Variants in CNTN1 observed in about 807,000 individuals in gnomAD.
CNTN1 encodes contactin-1.
A neutral mutation model predicts 126.4 loss-of-function variants in CNTN1; 38 were observed. That is an observed-to-expected ratio of 0.30 (90% CI 0.23 to 0.39). CNTN1 has a LOEUF of 0.39. Among genes scored for constraint, CNTN1 ranks in the 10% least tolerant of loss-of-function variants. CNTN1 has a pLI of 1.00. For synonymous variants in CNTN1, 413 were observed against 422.6 expected (o/e 0.98, Z 0.28); for missense variants, 1,009 against 1,248.4 (o/e 0.81, Z 2.89).
intron 1 of CNTN1, among the ~76,000 whole-genome samples, chr12:40,732,521 C>T (rs1258276604): frequency 1.3e-5 from 2 of 151,984 alleles, no homozygotes; most frequent in Non-Finnish European, 2.9e-5. Context: ...GACAGTCTGC[C>T]AGGAAACCTT....
intron 6 of CNTN1, among the ~76,000 whole-genome samples, chr12:40,925,800 T>TATA (rs1945650071): frequency 8.6e-6 from 1 of 116,600 alleles, no homozygotes; most frequent in African/African-American, 3.5e-5. Context: ...ACTATTGAAA[T>TATA]TATATATATA....
chr12:40,929,948 T>A lies in CNTN1; in HGVS notation c.649T>A (p.Ser217Thr). 4.3e-6 allele frequency: 7 copies of A among 1,612,906 alleles called. No homozygotes were observed. Among genetic ancestry groups the A allele is most frequent in the African/African-American group, 1.3e-5 (1 of 74,948 alleles). The change falls in exon 7 of 24, where the codon TCT (serine) becomes ACT (threonine). Residue 217 changes from serine (S) to threonine (T), a missense_variant. Coordinates refer to ENST00000551295, the MANE Select transcript of CNTN1 (RefSeq NM_001843.4). ...GNYSCFVSSP[S>T]ITKSVFSKFI... ...TTATTCCTGCTTTGTTTCCAGTCCTTCTATTACAAAGAGCGTGTTCAGCAA... is the reference window on the plus strand; with the variant it reads ...TTATTCCTGCTTTGTTTCCAGTCCTACTATTACAAAGAGCGTGTTCAGCAA...
chr12:40,929,589 A>G (rs187481582), intron 6 of CNTN1, among the ~76,000 whole-genome samples: 1 of 152,170 alleles, frequency 6.6e-6, no homozygotes, highest in East Asian at 1.9e-4. Flanking sequence ...ATAGATAAAT[A>G]GATGTAATTG....
chr12:40,939,201 T>C, intron 11 of CNTN1, 134 bp from the exon 12 acceptor site: 1 of 923,204 alleles, frequency 1.1e-6, no homozygotes, highest in Non-Finnish European at 1.7e-6. Flanking sequence ...TGCCTATTGG[T>C]GACAGCTGAT....
At chr12:41,066,335 T>G (rs763890289) in intron 23 of CNTN1, among the ~76,000 whole-genome samples, 1 of 152,126 alleles carries the variant, frequency 6.6e-6, no homozygotes, top group Non-Finnish European at 1.5e-5. Flanking sequence ...AAAAGAAATA[T>G]CAGGGGTCAC....
chr12:41,018,078 G>T (rs952832776), intron 19 of CNTN1, among the ~76,000 whole-genome samples: 1 of 149,342 alleles, frequency 6.7e-6, no homozygotes, highest in African/African-American at 2.5e-5. Flanking sequence ...CAACAAAAGC[G>T]AAAGTCCATC....
chr12:40,832,737 C>A (rs1941893907), intron 1 of CNTN1, among the ~76,000 whole-genome samples: 1 of 152,150 alleles, frequency 6.6e-6, no homozygotes, highest in Admixed American at 6.5e-5. Flanking sequence ...AGTTAGTATA[C>A]AACTTGCCCC....
intron 1 of CNTN1, among the ~76,000 whole-genome samples, chr12:40,711,775 A>C (rs1195729050): frequency 1.3e-5 from 2 of 151,866 alleles, no homozygotes; most frequent in Admixed American, 6.6e-5. Context: ...GCAGTGGTAT[A>C]ATTAATAGCT....
At chr12:40,946,979 G>A (rs1946455791) in intron 14 of CNTN1, among the ~76,000 whole-genome samples, 1 of 151,806 alleles carries the variant, frequency 6.6e-6, no homozygotes, top group African/African-American at 2.4e-5. Flanking sequence ...TTAAAGTTAT[G>A]TAATTATTAG....
intron 1 of CNTN1, among the ~76,000 whole-genome samples, chr12:40,879,043 C>T (rs963655489): frequency 1.3e-5 from 2 of 152,068 alleles, no homozygotes; most frequent in East Asian, 3.8e-4. Context: ...TGAAGGGCAG[C>T]GAGGTCACAT....
At chr12:40,827,665 G>A (rs1441097460) in intron 1 of CNTN1, among the ~76,000 whole-genome samples, 1 of 152,202 alleles carries the variant, frequency 6.6e-6, no homozygotes, top group Middle Eastern at 3.2e-3. Context: ...ACATTCTGCA[G>A]TATGCAAATG....
At chr12:41,016,655 C>A in intron 18 of CNTN1, 27 bp from the exon 19 acceptor site, 1 of 1,461,826 alleles carries the variant, frequency 6.8e-7, no homozygotes, top group Non-Finnish European at 9.6e-7. Context: ...TTACTAAAAC[C>A]TACTCAATCT....
At chr12:40,959,518 C>T (rs1489092790) in intron 15 of CNTN1, among the ~76,000 whole-genome samples, 1 of 152,034 alleles carries the variant, frequency 6.6e-6, no homozygotes, top group East Asian at 1.9e-4. Flanking sequence ...CAAAAGTTCT[C>T]GTTTCCTGCT....
At chr12:40,824,914 C>T (rs975624329) in intron 1 of CNTN1, among the ~76,000 whole-genome samples, 2 of 152,110 alleles carry the variant, frequency 1.3e-5, no homozygotes, top group African/African-American at 4.8e-5. Context: ...AGTTATTTTA[C>T]ATATAGACAC....
chr12:40,734,411 G>A (rs1018189171), intron 1 of CNTN1, among the ~76,000 whole-genome samples: 1 of 151,962 alleles, frequency 6.6e-6, no homozygotes, highest in Non-Finnish European at 1.5e-5. Context: ...ATATCCTAGG[G>A]TTTACCACAT....
intron 1 of CNTN1, among the ~76,000 whole-genome samples, chr12:40,782,063 A>G (rs764123832): frequency 8.6e-5 from 13 of 151,946 alleles, no homozygotes; most frequent in Non-Finnish European, 1.5e-4. Context: ...TTAATTTTTG[A>G]AGTTTAATTT....
At chr12:41,013,609 A>T (rs1227993647) in intron 17 of CNTN1, among the ~76,000 whole-genome samples, 1 of 152,148 alleles carries the variant, frequency 6.6e-6, no homozygotes, top group African/African-American at 2.4e-5. Context: ...TTAGGGATTA[A>T]GAAGAAAGCA....
At chr12:40,918,473 G>T (rs910703309) in intron 3 of CNTN1, among the ~76,000 whole-genome samples, 166 bp from the exon 4 acceptor site, 6 of 152,110 alleles carry the variant, frequency 3.9e-5, no homozygotes, top group Non-Finnish European at 7.4e-5. Context: ...AATTTTAAAT[G>T]AAGAACCTGA....
intron 1 of CNTN1, among the ~76,000 whole-genome samples, chr12:40,705,202 T>C (rs1405434403): frequency 6.6e-6 from 1 of 152,216 alleles, no homozygotes; most frequent in Non-Finnish European, 1.5e-5. Flanking sequence ...AATGATTGCC[T>C]ATTATTTGTT....
Sources: allele counts gnomAD v4.1 joint callset (sites outside exome capture counted in the v4.1 genomes callset), GRCh38; gene constraint gnomAD v4.1.1; transcripts MANE v1.5; gene names NCBI Gene and HGNC (gene_info 2026-07-23, HGNC 2026-07-21).